Variants in ST7L observed in about 807,000 individuals in gnomAD.
ST7L encodes the protein suppressor of tumorigenicity 7 protein-like.
ST7L carries 57 observed loss-of-function variants against 72.5 expected under a neutral mutation model. That is an observed-to-expected ratio of 0.79 (90% CI 0.64 to 0.98). ST7L has a LOEUF of 0.98. ST7L is among the 50% of genes least tolerant of loss of function. ST7L has a pLI of 0.00. For synonymous variants in ST7L, 221 were observed against 240.9 expected, an observed-to-expected ratio of 0.92 and a Z score of 0.77; for missense variants, 576 against 672.2, an observed-to-expected ratio of 0.86 and a Z score of 1.58.
chr1:112,539,971 T>G, intron 14 of ST7L: 1 of 985,412 alleles, frequency 1.0e-6, no homozygotes, highest in Non-Finnish European at 1.2e-6. Context: ...TCAATAACTT[T>G]TGGTCTGAAA....
intron 11 of ST7L, among the ~76,000 whole-genome samples, chr1:112,576,179 C>T (rs1175068920): frequency 2.0e-5 from 3 of 152,062 alleles, no homozygotes; most frequent in East Asian, 3.9e-4. Flanking sequence ...CAGTCTCGAC[C>T]TCCTGGACTC....
rs115555428 is a variant in ST7L, at chr1:112,586,067, A to C, written c.702-1941T>G. ...ATAATACATAACAATTTCACTAATC[A>C]ACAAAGATTTCTCCATTACATTACA... On this transcript the variant is annotated intron_variant, in intron 6 of 14. Transcript: ENST00000358039. Among the ~76,000 whole-genome samples, 1,339 of 152,326 alleles carry C rather than the reference A, an allele frequency of 8.8e-3. 17 individuals carry two copies. The highest frequency in any genetic ancestry group is 0.03 in the African/African-American group (1,267 of 41,584).
At chr1:112,530,589 G>A (rs1005015886) in intron 14 of ST7L, among the ~76,000 whole-genome samples, 1 of 151,984 alleles carries the variant, frequency 6.6e-6, no homozygotes, top group Admixed American at 6.6e-5. Flanking sequence ...TAATTTTTGT[G>A]TTTTTAGTAG....
intron 3 of ST7L, chr1:112,607,344 A>T (rs933273375): frequency 2.6e-5 from 4 of 152,454 alleles, no homozygotes; most frequent in African/African-American, 9.6e-5. Flanking sequence ...TCATGCCTGT[A>T]ATCCCAGCAC....
At chr1:112,584,644 C>T (rs1006265113) in intron 6 of ST7L, among the ~76,000 whole-genome samples, 2 of 151,948 alleles carry the variant, frequency 1.3e-5, no homozygotes, top group Admixed American at 6.6e-5. Flanking sequence ...TGCAGCACCA[C>T]GCCCGGCTAA....
downstream of ST7L, among the ~76,000 whole-genome samples, chr1:112,519,872 C>CTTCATTTTT (rs10634267): frequency 9.5e-5 from 11 of 115,648 alleles, no homozygotes; most frequent in African/African-American, 3.5e-4. Context: ...GCCCATGCTT[C>CTTCATTTTT]TTTTTTTTTT....
At chr1:112,579,073 T>C (rs1663633102) in intron 9 of ST7L, among the ~76,000 whole-genome samples, 1 of 151,954 alleles carries the variant, frequency 6.6e-6, no homozygotes, top group Non-Finnish European at 1.5e-5. Context: ...GTGAAATGCG[T>C]TCAACCAATG....
intron 5 of ST7L, among the ~76,000 whole-genome samples, chr1:112,597,353 G>A (rs1666636021): frequency 6.6e-6 from 1 of 152,184 alleles, no homozygotes; most frequent in Non-Finnish European, 1.5e-5. Flanking sequence ...AGTGGCTCAT[G>A]CCTATAATCC....
At chr1:112,569,814 C>T (rs985805060) in intron 11 of ST7L, among the ~76,000 whole-genome samples, 3 of 151,876 alleles carry the variant, frequency 2.0e-5, no homozygotes, top group Non-Finnish European at 4.4e-5. Context: ...AAAAATTACC[C>T]GGGCGTAGTG....
At chr1:112,546,301 A>G (rs1557957198) in intron 13 of ST7L, among the ~76,000 whole-genome samples, 2 of 146,142 alleles carry the variant, frequency 1.4e-5, no homozygotes, top group African/African-American at 5.1e-5. Flanking sequence ...CCTGAGTGAC[A>G]GTGAAATCCT....
At chr1:112,578,592 G>A (rs1663535797) in intron 9 of ST7L, among the ~76,000 whole-genome samples, 175 bp from the exon 10 acceptor site, 1 of 151,892 alleles carries the variant, frequency 6.6e-6, no homozygotes, top group African/African-American at 2.4e-5. Context: ...TGACCAAAAT[G>A]GAGAAACCCC....
At chr1:112,538,871 T>C (rs1655633290) in intron 14 of ST7L, among the ~76,000 whole-genome samples, 1 of 152,164 alleles carries the variant, frequency 6.6e-6, no homozygotes, top group Non-Finnish European at 1.5e-5. Context: ...CACTTGCATA[T>C]TTTAAAGTCA....
chr1:112,541,198 C>T (rs1257959532), intron 14 of ST7L, among the ~76,000 whole-genome samples: 1 of 151,726 alleles, frequency 6.6e-6, no homozygotes, highest in African/African-American at 2.4e-5. Context: ...GGCGGGAGGA[C>T]TGTTGAACCC....
At chr1:112,569,193 C>T (rs950791539) in intron 11 of ST7L, among the ~76,000 whole-genome samples, 1 of 152,036 alleles carries the variant, frequency 6.6e-6, no homozygotes, top group East Asian at 1.9e-4. Context: ...GAATTACTTG[C>T]GATCTACCAG....
At chr1:112,611,161 CATGTCACGTAAA>C (rs767346319) in intron 2 of ST7L, among the ~76,000 whole-genome samples, 158 bp from the exon 3 acceptor site, 14 of 152,196 alleles carry the variant, frequency 9.2e-5, no homozygotes, top group Non-Finnish European at 2.1e-4. Context: ...TCACCAATAA[CATGTCACGTAAA>C]AGTGAAATAC....
intron 6 of ST7L, among the ~76,000 whole-genome samples, chr1:112,585,221 C>T (rs1000335172): frequency 1.3e-5 from 2 of 152,126 alleles, no homozygotes; most frequent in African/African-American, 2.4e-5. Context: ...CCAGAAATAA[C>T]AAATCCATCT....
At chr1:112,617,158 C>A in intron 1 of ST7L, 2 of 224,210 alleles carry the variant, frequency 8.9e-6, no homozygotes. Flanking sequence ...AGAACTTTTG[C>A]AAGTCTGTAA....
chr1:112,578,770 G>A (rs544710792), intron 9 of ST7L, among the ~76,000 whole-genome samples: 33 of 151,820 alleles, frequency 2.2e-4, no homozygotes, highest in Non-Finnish European at 2.2e-4. Context: ...GTGAAACTCC[G>A]TCTCCAAAAA....
intron 4 of ST7L, among the ~76,000 whole-genome samples, 188 bp downstream of exon 4, chr1:112,600,606 T>C (rs1472160882): frequency 6.6e-6 from 1 of 151,798 alleles, no homozygotes; most frequent in African/African-American, 2.4e-5. Context: ...TAAAAAATTT[T>C]AATTAAAAAA....
Sources: allele counts gnomAD v4.1 joint callset (sites outside exome capture counted in the v4.1 genomes callset), GRCh38; gene constraint gnomAD v4.1.1; transcripts MANE v1.5; gene names NCBI Gene and HGNC (gene_info 2026-07-23, HGNC 2026-07-21).